CFI: variants seen among roughly 807,000 people sequenced by gnomAD.
CFI encodes the protein C3B/C4B inactivator.
In CFI, 66 loss-of-function variants were observed where a neutral mutation model predicts 78.8. The observed-to-expected ratio is 0.84, with a 90% CI of 0.69 to 1.03. The LOEUF (loss-of-function observed/expected upper bound fraction) is 1.03. Among genes scored for constraint, CFI ranks in the 50% least tolerant of loss-of-function variants. The pLI, the probability that CFI is intolerant of heterozygous loss-of-function variation, is 0.00. For synonymous variants in CFI, 250 were observed against 232.6 expected (o/e 1.07, Z -0.68); for missense variants, 706 against 704.5 (o/e 1.00, Z -0.02).
intron 1 of CFI, among the ~76,000 whole-genome samples, chr4:109,790,682 C>G (rs1458347414): frequency 1.3e-5 from 2 of 152,096 alleles, no homozygotes; most frequent in African/African-American, 4.8e-5. Context: ...TAAATGAGAA[C>G]ATGTGGTATT....
intron 11 of CFI, among the ~76,000 whole-genome samples, chr4:109,745,403 A>G (rs1352868221): frequency 6.6e-6 from 1 of 152,146 alleles, no homozygotes; most frequent in East Asian, 1.9e-4. Context: ...CCTGGGCTCA[A>G]GTGATCACCT....
chr4:109,773,584 A>G (rs1728854765), intron 1 of CFI, among the ~76,000 whole-genome samples: 1 of 152,210 alleles, frequency 6.6e-6, no homozygotes, highest in African/African-American at 2.4e-5. Context: ...ACTGGTGCAC[A>G]ACATAGCCTA....
At chr4:109,763,625 A>C (rs749253711) in intron 3 of CFI, among the ~76,000 whole-genome samples, 53 of 152,210 alleles carry the variant, frequency 3.5e-4, no homozygotes, top group Middle Eastern at 6.8e-3. Context: ...ATATAGGAAG[A>C]CTGAAAGTAA....
intron 1 of CFI, among the ~76,000 whole-genome samples, chr4:109,768,719 G>A (rs1201308632): frequency 6.6e-6 from 1 of 152,124 alleles, no homozygotes; most frequent in Non-Finnish European, 1.5e-5. Context: ...AGTGAGCCCC[G>A]CTCCTTCCTC....
chr4:109,797,175 A>T (rs760624064), intron 1 of CFI, among the ~76,000 whole-genome samples: 2 of 152,238 alleles, frequency 1.3e-5, no homozygotes, highest in Admixed American at 6.5e-5. Flanking sequence ...GATTTCAAAA[A>T]ATATCACAAA....
intron 10 of CFI, among the ~76,000 whole-genome samples, chr4:109,747,518 G>C (rs1248037262): frequency 6.6e-6 from 1 of 152,106 alleles, no homozygotes; most frequent in African/African-American, 2.4e-5. Flanking sequence ...TCTTCTCATG[G>C]AACAGTATAG....
intron 12 of CFI, 64 bp from the exon 13 acceptor site, chr4:109,741,174 T>G (rs1723750257): frequency 6.2e-7 from 1 of 1,610,086 alleles, no homozygotes; most frequent in Admixed American, 1.7e-5. Flanking sequence ...CTGCCATGCC[T>G]CCTCCATGGC....
chr4:109,739,472 A>G (rs1322565647), downstream of CFI, among the ~76,000 whole-genome samples: 1 of 152,120 alleles, frequency 6.6e-6, no homozygotes, highest in Non-Finnish European at 1.5e-5. Context: ...GAAAAGTACT[A>G]TGCTGAGATT....
At chr4:109,738,228 C>T (rs958004093), downstream of CFI, among the ~76,000 whole-genome samples, 5 of 151,696 alleles carry the variant, frequency 3.3e-5, no homozygotes, top group Admixed American at 3.3e-4. Context: ...GATCCTCCCA[C>T]CTCAGCCTTC....
rs1370959711 is a variant in CFI, at chr4:109,741,087, C to T, written c.1558G>A (p.Ala520Thr). The T allele has an allele frequency of 1.9e-6, 3 of 1,613,992 alleles. No homozygotes were observed. Among genetic ancestry groups the T allele is most frequent in the Non-Finnish European group, 1.7e-6 (2 of 1,179,992 alleles). Residue 520 changes from alanine to threonine, a missense_variant, in exon 13 of 13, where the codon GCC becomes ACC. Transcript: ENST00000394634. ...CAGTYDGSID[A>T]CKGDSGGPLV... ...GGGCCTCCAGAGTCCCCTTTACAGG[C>T]ATCGATGGAACCATCATATGTACCT... is the stretch of plus-strand genomic sequence containing the variant.
downstream of CFI, among the ~76,000 whole-genome samples, chr4:109,736,641 A>G (rs899633265): frequency 6.6e-6 from 1 of 152,180 alleles, no homozygotes; most frequent in African/African-American, 2.4e-5. Context: ...TTTTCAAGGT[A>G]TCTTTGTATG....
At chr4:109,768,905 C>CAT (rs1451254354) in intron 1 of CFI, among the ~76,000 whole-genome samples, 1 of 151,842 alleles carries the variant, frequency 6.6e-6, no homozygotes. Context: ...CACACACACA[C>CAT]ACACAAATGA....
At chr4:109,744,850 T>C (rs1027861983) in intron 11 of CFI, among the ~76,000 whole-genome samples, 2 of 152,232 alleles carry the variant, frequency 1.3e-5, no homozygotes, top group Non-Finnish European at 2.9e-5. Context: ...GGGTTTATTA[T>C]ACTTTAATCT....
intron 1 of CFI, among the ~76,000 whole-genome samples, chr4:109,783,474 A>G (rs1429767973): frequency 6.6e-6 from 1 of 152,114 alleles, no homozygotes; most frequent in Non-Finnish European, 1.5e-5. Flanking sequence ...CCACAATGTG[A>G]TACCACCTTA....
intron 7 of CFI, 79 bp downstream of exon 7, chr4:109,757,684 T>A (rs1726494602): frequency 3.2e-6 from 3 of 942,442 alleles, no homozygotes; most frequent in Admixed American, 4.5e-5. Flanking sequence ...CCATTAACAG[T>A]TACATTAAAA....
intron 2 of CFI, among the ~76,000 whole-genome samples, 191 bp from the exon 3 acceptor site, chr4:109,764,881 A>G (rs1373043596): frequency 6.6e-6 from 1 of 152,214 alleles, no homozygotes; most frequent in African/African-American, 2.4e-5. Context: ...ATTCAGCTGT[A>G]TAGAGGATCA....
chr4:109,738,064 G>C (rs1325934361), downstream of CFI, among the ~76,000 whole-genome samples: 1 of 151,862 alleles, frequency 6.6e-6, no homozygotes, highest in Non-Finnish European at 1.5e-5. Context: ...ATTGGCTGAG[G>C]ATGCCCTATA....
intron 1 of CFI, among the ~76,000 whole-genome samples, chr4:109,797,560 CA>C: frequency 7.0e-6 from 1 of 142,010 alleles, no homozygotes; most frequent in Non-Finnish European, 1.5e-5. Context: ...GCAACAAAAG[CA>C]AAAACAGACA....
intron 7 of CFI, among the ~76,000 whole-genome samples, chr4:109,753,630 AAT>A (rs1370524081): frequency 2.3e-3 from 219 of 97,188 alleles, no homozygotes; most frequent in Non-Finnish European, 3.5e-3. Flanking sequence ...TATTTATTAT[AAT>A]ATGTATAATT....
Sources: gnomAD v4.1 joint callset for allele counts (sites outside exome capture counted in the v4.1 genomes callset) on GRCh38, gnomAD v4.1.1 for gene constraint, MANE v1.5 for transcripts, NCBI Gene and HGNC (gene_info 2026-07-23, HGNC 2026-07-21) for gene names.